The following NSD1 variants were observed in gnomAD, a reference collection of about 807,000 sequenced individuals.
NSD1 encodes the protein nuclear receptor binding SET domain protein 1.
NSD1 carries 26 observed loss-of-function variants against 242.7 expected under a neutral mutation model. The ratio of observed to expected loss-of-function variants is 0.11; its 90% CI spans 0.08 to 0.15. The LOEUF (loss-of-function observed/expected upper bound fraction) is 0.15. Among genes scored for constraint, NSD1 ranks in the 10% least tolerant of loss-of-function variants. NSD1 has a pLI of 1.00. For synonymous variants in NSD1, 1,106 were observed against 1,178.1 expected, an observed-to-expected ratio of 0.94 and a Z score of 1.25; for missense variants, 2,495 against 3,272.8, an observed-to-expected ratio of 0.76 and a Z score of 5.80.
At chr5:177,177,777 C>G (rs1416055475) in intron 2 of NSD1, among the ~76,000 whole-genome samples, 1 of 152,200 alleles carries the variant, frequency 6.6e-6, no homozygotes, top group Non-Finnish European at 1.5e-5. Context: ...ATTACTCTCT[C>G]AACTCTCTCA....
At chr5:177,139,612 T>C (rs1388126968) in intron 2 of NSD1, among the ~76,000 whole-genome samples, 1 of 152,248 alleles carries the variant, frequency 6.6e-6, no homozygotes, top group Non-Finnish European at 1.5e-5. Context: ...ATTGTTACTA[T>C]GCTGGGAATT....
intron 14 of NSD1, chr5:177,265,496 A>AGG (rs1757348846): frequency 1.5e-6 from 1 of 652,924 alleles, no homozygotes; most frequent in Non-Finnish European, 2.7e-6. Context: ...AGGGAGAGAG[A>AGG]GAGGAAGGGG....
rs141803153 is a variant in NSD1 at position 177,236,364 on chromosome 5, T to A, written c.3921+419T>A. On this transcript the variant is annotated intron_variant, in intron 6 of 22. Coordinates refer to ENST00000439151, the MANE Select transcript of NSD1 (RefSeq NM_022455.5). ...ACCCCTACATAGTTTAATATGTAGTTAAAAAATGGAACATTTTCCTTTATA... is the reference window on the plus strand; with the variant it reads ...ACCCCTACATAGTTTAATATGTAGTAAAAAAATGGAACATTTTCCTTTATA... Among the ~76,000 whole-genome samples the A allele has an allele frequency of 4.6e-5, 7 of 152,274 alleles. No homozygotes were observed. In the East Asian group the frequency reaches 1.3e-3, roughly 29 times the overall value.
intron 14 of NSD1, chr5:177,265,547 G>C: frequency 1.1e-6 from 1 of 909,952 alleles, no homozygotes; most frequent in Non-Finnish European, 1.8e-6. Flanking sequence ...CCCTGGGCCC[G>C]TGCAGGGCGG....
chr5:177,280,111 G>T (rs1033846706), intron 17 of NSD1, among the ~76,000 whole-genome samples: 5 of 150,094 alleles, frequency 3.3e-5, no homozygotes, highest in African/African-American at 1.2e-4. Context: ...CCAAGTAGCT[G>T]GGACTACAGG....
rs565224476 is a variant in NSD1, at chr5:177,144,976, T to C, written c.927+8946T>C. Reference sequence around the variant, plus strand: ...GGCACGTGCCTGTAGTCCCAGCTACTCAGGAGGCTGATGCAGGAGGATCGC... The same window carrying C: ...GGCACGTGCCTGTAGTCCCAGCTACCCAGGAGGCTGATGCAGGAGGATCGC... On this transcript the variant is annotated intron_variant, in intron 2 of 22. Transcript: ENST00000439151. Among the ~76,000 whole-genome samples the C allele has an allele frequency of 1.1e-4, 16 of 151,248 alleles. No homozygotes were observed. In the East Asian group the frequency reaches 3.1e-3, roughly 30 times the overall value.
chr5:177,287,643 GA>G (rs1308989901), intron 20 of NSD1, among the ~76,000 whole-genome samples: 1 of 150,652 alleles, frequency 6.6e-6, no homozygotes, highest in Non-Finnish European at 1.5e-5. Context: ...CTCAAAGAAA[GA>G]AAAAGAAAAA....
chr5:177,206,426 T>C (rs984954120), intron 4 of NSD1, among the ~76,000 whole-genome samples: 1 of 152,178 alleles, frequency 6.6e-6, no homozygotes, highest in Admixed American at 6.5e-5. Context: ...AGGCATGAGA[T>C]ACCATGCTGG....
chr5:177,259,838 G>C, intron 13 of NSD1, 151 bp from the exon 14 acceptor site: 1 of 813,096 alleles, frequency 1.2e-6, no homozygotes, highest in East Asian at 2.7e-5. Flanking sequence ...TTTCTTGATG[G>C]ATCGAGTGTT....
At chr5:177,232,538 T>C (rs1765140199) in intron 5 of NSD1, among the ~76,000 whole-genome samples, 1 of 152,186 alleles carries the variant, frequency 6.6e-6, no homozygotes, top group Non-Finnish European at 1.5e-5. Flanking sequence ...AAACTATCCT[T>C]CCATCACCCT....
At position 177,168,985 on chromosome 5, in the gene NSD1, G is replaced by A. The variant is rs148762454; in HGVS notation, c.928-22899G>A. 4.3e-3 allele frequency among the ~76,000 whole-genome samples: 649 copies of A among 152,316 alleles called. 3 individuals carry two copies. The highest frequency in any genetic ancestry group is 0.014 in the African/African-American group (589 of 41,576). On this transcript the variant is annotated intron_variant, in intron 2 of 22. Transcript: ENST00000439151. Reference sequence around the variant, plus strand: ...ACTTTTGAAGCATTGTTTGTGCAACGTGTAGTTGGGCATTGTCATGAATAA... The same window carrying A: ...ACTTTTGAAGCATTGTTTGTGCAACATGTAGTTGGGCATTGTCATGAATAA...
chr5:177,194,770 C>T (rs1460031742), intron 3 of NSD1, among the ~76,000 whole-genome samples: 2 of 131,998 alleles, frequency 1.5e-5, no homozygotes, highest in Non-Finnish European at 1.5e-5. Context: ...GGCACAATCT[C>T]GGCTCACTGC....
Position 177,295,728 on chromosome 5 carries a change from G to T in NSD1, c.*269G>T. 1 of 549,372 alleles carries T rather than the reference G, an allele frequency of 1.8e-6. No homozygotes were observed. Among genetic ancestry groups the T allele is most frequent in the East Asian group, 3.1e-5 (1 of 31,888 alleles). 34.0% of individuals were successfully genotyped at this position (549,372 alleles called of 1,614,324 possible). On this transcript the variant is annotated 3_prime_UTR_variant, in exon 23 of 23. Transcript: ENST00000439151. This position sits in a 1 kb window ranked among gnomAD's most constrained non-coding sequence, Gnocchi z 4.3. ...CTCTTTCCCCCAACTTTTCCACATG[G>T]TCATCGTGAAATAAAAAGTCCACTC...
In NSD1 at chr5:177,192,390, G is replaced by GT. The variant is rs577896801; in HGVS notation, c.1063+382dup. 5.2e-3 allele frequency among the ~76,000 whole-genome samples: 721 copies of GT among 139,396 alleles called. 3 individuals carry two copies. The highest frequency in any genetic ancestry group is 7.2e-3 in the Non-Finnish European group (454 of 63,148). The allele number at this position is 139,396 out of a possible 152,430, so 91.4% of individuals were successfully genotyped here. On this transcript the variant is annotated intron_variant, in intron 3 of 22. Coordinates refer to ENST00000439151, the MANE Select transcript of NSD1 (RefSeq NM_022455.5). The stretch of plus-strand genomic sequence containing the variant: ...CACGCTTGGCTAATTTTTGTTTTTT[G>GT]TTTTTTTTTTTAATTTTTTATTTGA...
At chr5:177,191,053 G>C (rs1761649918) in intron 2 of NSD1, among the ~76,000 whole-genome samples, 1 of 142,332 alleles carries the variant, frequency 7.0e-6, no homozygotes, top group Non-Finnish European at 1.5e-5. Context: ...TGCAACCTCC[G>C]CCTCCAGGGT....
chr5:177,265,331 A>G (rs1186706443), intron 14 of NSD1: 7 of 616,966 alleles, frequency 1.1e-5, no homozygotes, highest in Non-Finnish European at 1.7e-5. Flanking sequence ...AAGTGCCAAC[A>G]GAAGTATGTT....
In NSD1 at chr5:177,298,926, A is replaced by C. The variant is rs2127292382; in HGVS notation, c.*3467A>C. ...CCTCTTGGGGTTTATCAGCCAGGTTAGAGGAGCCCAGTGTCCTAACCTCTC... is the reference window on the plus strand; with the variant it reads ...CCTCTTGGGGTTTATCAGCCAGGTTCGAGGAGCCCAGTGTCCTAACCTCTC... On this transcript the variant is annotated 3_prime_UTR_variant, in exon 23 of 23. Transcript: ENST00000439151. The C allele has an allele frequency of 4.3e-6, 1 of 233,194 alleles. No individual in the cohort carries two copies. The highest frequency in any genetic ancestry group is 8.5e-6 in the Non-Finnish European group (1 of 117,962). The allele number at this position is 233,194 out of a possible 1,614,324, so 14.4% of individuals were successfully genotyped here. A position where few individuals can be genotyped will look rare whatever the true frequency, so the allele number is the denominator to read the frequency against.
chr5:177,207,170 A>G (rs929837994), intron 4 of NSD1, among the ~76,000 whole-genome samples: 1 of 151,880 alleles, frequency 6.6e-6, no homozygotes, highest in Non-Finnish European at 1.5e-5. Flanking sequence ...CTCCTAACCT[A>G]AGGTGACCCC....
intron 2 of NSD1, among the ~76,000 whole-genome samples, chr5:177,168,740 C>T (rs1301137203): frequency 6.6e-6 from 1 of 152,140 alleles, no homozygotes; most frequent in Non-Finnish European, 1.5e-5. Flanking sequence ...GGATTGCTGG[C>T]ATGAGCCACC....
Sources: gnomAD v4.1 joint callset for allele counts (sites outside exome capture counted in the v4.1 genomes callset) on GRCh38, gnomAD v4.1.1 for gene constraint, Gnocchi (gnomAD v3.1) non-coding constraint, MANE v1.5 for transcripts, NCBI Gene and HGNC (gene_info 2026-07-23, HGNC 2026-07-21) for gene names.